The following VPS13D variants were observed in gnomAD, a reference collection of about 807,000 sequenced individuals.
VPS13D encodes vacuolar protein sorting 13 homolog D, also known as intermembrane lipid transfer protein VPS13D.
In VPS13D, 187 loss-of-function variants were observed where a neutral mutation model predicts 461.9. The ratio of observed to expected loss-of-function variants is 0.40; its 90% confidence interval spans 0.36 to 0.46. The LOEUF (loss-of-function observed/expected upper bound fraction) is 0.46. Among genes scored for constraint, VPS13D ranks in the 20% least tolerant of loss-of-function variants. The pLI is 0.60. For synonymous variants in VPS13D, 1,951 were observed against 1,986.3 expected (o/e 0.98, Z 0.47); for missense variants, 4,711 against 5,364.9 (o/e 0.88, Z 3.81).
chr1:12,499,163 G>A (rs1029750920), intron 68 of VPS13D, among the ~76,000 whole-genome samples: 6 of 151,976 alleles, frequency 3.9e-5, no homozygotes, highest in African/African-American at 1.4e-4. Flanking sequence ...AAATTTCTCA[G>A]GTCTGGCAGG....
chr1:12,503,340 T>TTTC (rs1244442876), intron 68 of VPS13D, among the ~76,000 whole-genome samples: 4 of 151,822 alleles, frequency 2.6e-5, no homozygotes, highest in Admixed American at 2.0e-4. Flanking sequence ...AACTTTTTTC[T>TTTC]TTCTTCTTCT....
At position 12,508,492 on chromosome 1, in the gene VPS13D, T is replaced by A. The variant is rs574642153; in HGVS notation, c.13036-401T>A. 2.6e-4 allele frequency among the ~76,000 whole-genome samples: 37 copies of A among 144,178 alleles called. No individual in the cohort carries two copies. In the East Asian group the frequency reaches 3.2e-3, roughly 13 times the overall value. 94.6% of individuals were successfully genotyped at this position (144,178 alleles called of 152,430 possible). ...AGGCCGAGGCGGGCGGATCACGAGG[T>A]CAGGAGTTCGAGACCATCCTGGCTA... On this transcript the variant is annotated intron_variant, in intron 69 of 69. Coordinates refer to ENST00000620676, the MANE Select transcript of VPS13D (RefSeq NM_015378.4).
chr1:12,240,452 G>C (rs1365847693), intron 2 of VPS13D, among the ~76,000 whole-genome samples: 1 of 151,914 alleles, frequency 6.6e-6, no homozygotes, highest in East Asian at 1.9e-4. Context: ...AAAATTAGCT[G>C]GGTGTGGTGG....
At chr1:12,321,085 G>A (rs923102771) in intron 32 of VPS13D, among the ~76,000 whole-genome samples, 2 of 151,880 alleles carry the variant, frequency 1.3e-5, no homozygotes, top group African/African-American at 4.8e-5. Flanking sequence ...AAAATAATTT[G>A]GTCCTAGAAC....
intron 49 of VPS13D, among the ~76,000 whole-genome samples, chr1:12,357,678 A>C (rs1011799886): frequency 6.6e-6 from 1 of 152,218 alleles, no homozygotes; most frequent in Non-Finnish European, 1.5e-5. Flanking sequence ...AATCCATGAC[A>C]GGACACTGGC....
intron 65 of VPS13D, among the ~76,000 whole-genome samples, chr1:12,418,634 A>G (rs1644825145): frequency 6.6e-6 from 1 of 152,234 alleles, no homozygotes; most frequent in Non-Finnish European, 1.5e-5. Context: ...TTACAGGTTT[A>G]TTGTGAGAAC....
chr1:12,341,984 GGAT>G, intron 41 of VPS13D, 99 bp downstream of exon 41: 1 of 1,033,950 alleles, frequency 9.7e-7, no homozygotes, highest in South Asian at 1.6e-5. Context: ...GAGGCTCTTG[GGAT>G]GATATTTGAA....
chr1:12,456,763 A>T (rs193044596), intron 66 of VPS13D, among the ~76,000 whole-genome samples: 1 of 152,226 alleles, frequency 6.6e-6, no homozygotes, highest in East Asian at 1.9e-4. Context: ...AGCCGGTGAG[A>T]ACTCCTCATT....
intron 63 of VPS13D, among the ~76,000 whole-genome samples, chr1:12,405,740 G>A (rs757084464): frequency 9.2e-5 from 14 of 152,182 alleles, no homozygotes; most frequent in Middle Eastern, 3.2e-3. Flanking sequence ...GTGACCTTTG[G>A]AATGGGTTTG....
intron 26 of VPS13D, among the ~76,000 whole-genome samples, chr1:12,305,024 G>A (rs918112180): frequency 6.6e-6 from 1 of 152,162 alleles, no homozygotes; most frequent in African/African-American, 2.4e-5. Flanking sequence ...CCACCAGATA[G>A]TGATAGTATA....
chr1:12,232,186 A>G (rs188465778), intron 1 of VPS13D, among the ~76,000 whole-genome samples: 50 of 152,348 alleles, frequency 3.3e-4, no homozygotes, highest in African/African-American at 1.2e-3. Flanking sequence ...AATTGGTCAA[A>G]TATTTTACCA....
Position 12,277,982 on chromosome 1 carries a change from A to G in VPS13D, c.4394A>G (p.Gln1465Arg). ...TCCGGGTCTGGCAGTGCCAACAGTCAGGAGGAAGCTCATTTCACACGACAT... is the reference window on the plus strand; with the variant it reads ...TCCGGGTCTGGCAGTGCCAACAGTCGGGAGGAAGCTCATTTCACACGACAT... ...PPSGSGSANS[Q>R]EEAHFTRHDF... The change falls in exon 19 of 70, where the codon CAG (glutamine) becomes CGG (arginine). Residue 1465 changes from glutamine (Q) to arginine (R), a missense_variant. Physicochemically the swap from Gln to Arg is conservative, Grantham distance 43. Around this residue, in one of 3 missense-constraint regions of VPS13D, gnomAD observed 4,411 missense variants for 4,937.8 expected, o/e 0.89. Coordinates refer to ENST00000620676, the MANE Select transcript of VPS13D (RefSeq NM_015378.4). The G allele has an allele frequency of 6.2e-7, 1 of 1,614,222 alleles. No homozygotes were observed. Among genetic ancestry groups the G allele is most frequent in the Non-Finnish European group, 8.5e-7 (1 of 1,180,030 alleles).
At chr1:12,496,088 G>A (rs1645953584) in intron 67 of VPS13D, among the ~76,000 whole-genome samples, 1 of 152,146 alleles carries the variant, frequency 6.6e-6, no homozygotes, top group South Asian at 2.1e-4. Context: ...GACTGGCGGG[G>A]TATGTGAGTG....
intron 60 of VPS13D, among the ~76,000 whole-genome samples, chr1:12,390,444 C>G (rs1344730182): frequency 6.6e-6 from 1 of 152,220 alleles, no homozygotes; most frequent in African/African-American, 2.4e-5. Context: ...CATGAGTCCA[C>G]TGCCGCACTT....
At chr1:12,255,813 C>T (rs762490434) in intron 7 of VPS13D, among the ~76,000 whole-genome samples, 1 of 150,494 alleles carries the variant, frequency 6.6e-6, no homozygotes, top group Non-Finnish European at 1.5e-5. Context: ...ATTGCTTAAA[C>T]CGGGGAGTCG....
At chr1:12,362,924 C>T (rs1643972184) in intron 51 of VPS13D, 74 bp downstream of exon 51, 3 of 1,598,280 alleles carry the variant, frequency 1.9e-6, no homozygotes, top group East Asian at 2.2e-5. Context: ...TCTGTGAAGA[C>T]TGTACGTTCT....
chr1:12,277,519 G>C lies in VPS13D; in HGVS notation c.3931G>C (p.Glu1311Gln). The part of the protein sequence containing the change: ...KELTLSMDEL[E>Q]ENFRGMLKSA... The stretch of plus-strand genomic sequence containing the variant: ...GTTGACGTTATCCATGGATGAACTG[G>C]AAGAAAATTTTCGAGGTATGCTGAA... Residue 1311 changes from glutamate (E) to glutamine (Q), a missense_variant, in exon 19 of 70, where the codon GAA becomes CAA. This residue lies in a region of VPS13D where 4,411 missense variants were observed against 4,937.8 expected (regional missense o/e 0.89). Transcript: ENST00000620676. The C allele has an allele frequency of 6.2e-7, 1 of 1,614,058 alleles. No individual in the cohort carries two copies. The highest frequency in any genetic ancestry group is 8.5e-7 in the Non-Finnish European group (1 of 1,180,026).
chr1:12,342,182 G>A (rs949205549), intron 41 of VPS13D, among the ~76,000 whole-genome samples: 1 of 152,090 alleles, frequency 6.6e-6, no homozygotes, highest in Non-Finnish European at 1.5e-5. Flanking sequence ...TTTTCTCCTC[G>A]ATCTCTACCT....
chr1:12,289,582 CT>C (rs1269158110), intron 22 of VPS13D, among the ~76,000 whole-genome samples: 2 of 140,574 alleles, frequency 1.4e-5, no homozygotes, highest in African/African-American at 2.7e-5. Context: ...TTTTTTCCTT[CT>C]TACAGCGTAT....
Sources: allele counts gnomAD v4.1 joint callset (sites outside exome capture counted in the v4.1 genomes callset), GRCh38; gene constraint gnomAD v4.1.1; regional missense constraint gnomAD v4.1.1; transcripts MANE v1.5; gene names NCBI Gene and HGNC (gene_info 2026-07-23, HGNC 2026-07-21).